The following ITGA2 variants were observed in gnomAD, a reference collection of about 807,000 sequenced individuals.
ITGA2 encodes integrin alpha-2.
Under a neutral mutation model 146.3 loss-of-function variants are expected in ITGA2, and 101 were observed. That is an observed-to-expected ratio of 0.69 (90% confidence interval 0.59 to 0.81). The LOEUF (loss-of-function observed/expected upper bound fraction) is 0.81. Ranked by LOEUF, ITGA2 falls within the 40% of genes least tolerant of loss-of-function variation. The pLI is 0.00. For missense variants in ITGA2, 1,281 were observed against 1,402.7 expected (o/e 0.91, Z 1.39); for synonymous variants, 477 against 487.1 (o/e 0.98, Z 0.27).
At chr5:53,064,840 C>A in intron 13 of ITGA2, 72 bp from the exon 14 acceptor site, 1 of 1,454,558 alleles carries the variant, frequency 6.9e-7, no homozygotes, top group Non-Finnish European at 9.6e-7. Flanking sequence ...CCACCACACC[C>A]AGCTGCTCTG....
intron 2 of ITGA2, among the ~76,000 whole-genome samples, chr5:53,033,693 G>T (rs1743349428): frequency 6.6e-6 from 1 of 151,926 alleles, no homozygotes; most frequent in South Asian, 2.1e-4. Flanking sequence ...TGCCTCCTGG[G>T]TTCAAGTGAT....
chr5:53,056,796 G>T (rs1187496871), intron 9 of ITGA2, among the ~76,000 whole-genome samples: 2 of 151,270 alleles, frequency 1.3e-5, no homozygotes, highest in Non-Finnish European at 3.0e-5. Context: ...CTGTGTGGGG[G>T]ACTAGCACAC....
chr5:52,998,788 C>T (rs1452049401), intron 1 of ITGA2, among the ~76,000 whole-genome samples: 1 of 152,162 alleles, frequency 6.6e-6, no homozygotes, highest in Admixed American at 6.5e-5. Flanking sequence ...TTCTTGGCAC[C>T]ATTTTATTCA....
At chr5:53,037,149 A>G (rs1743527550) in intron 2 of ITGA2, among the ~76,000 whole-genome samples, 1 of 152,230 alleles carries the variant, frequency 6.6e-6, no homozygotes, top group African/African-American at 2.4e-5. Context: ...TGCTAACTAA[A>G]CAAAGTATTT....
chr5:53,059,207 A>G (rs1448390836), intron 10 of ITGA2, among the ~76,000 whole-genome samples: 1 of 151,958 alleles, frequency 6.6e-6, no homozygotes, highest in East Asian at 1.9e-4. Flanking sequence ...CAGAGTAGGC[A>G]TCTTCCTTTG....
At chr5:53,080,644 A>C in intron 25 of ITGA2, 23 bp downstream of exon 25, 2 of 1,512,928 alleles carry the variant, frequency 1.3e-6, no homozygotes, top group Non-Finnish European at 1.8e-6. Context: ...AAATTGCCTA[A>C]AAATGTGTAC....
At chr5:53,048,851 G>C in intron 6 of ITGA2, 81 bp downstream of exon 6, 1 of 1,475,900 alleles carries the variant, frequency 6.8e-7, no homozygotes, top group South Asian at 1.2e-5. Flanking sequence ...CTTAATTTTT[G>C]TATTTGCCAA....
intron 1 of ITGA2, among the ~76,000 whole-genome samples, chr5:53,002,920 A>T (rs1001219238): frequency 1.3e-5 from 2 of 152,086 alleles, no homozygotes; most frequent in Non-Finnish European, 2.9e-5. Flanking sequence ...TCAAGTTACG[A>T]TTTAAAAATG....
chr5:53,032,892 G>A (rs1484277073), intron 2 of ITGA2, among the ~76,000 whole-genome samples: 1 of 152,170 alleles, frequency 6.6e-6, no homozygotes, highest in Non-Finnish European at 1.5e-5. Flanking sequence ...CTTTGGGAAA[G>A]TCACACAACT....
At chr5:53,060,861 A>T (rs1744871369) in intron 11 of ITGA2, 40 bp from the exon 12 acceptor site, 2 of 1,599,418 alleles carry the variant, frequency 1.3e-6, no homozygotes, top group South Asian at 2.2e-5. Context: ...TTTTGCTCAG[A>T]TAGTCAATGT....
intron 1 of ITGA2, among the ~76,000 whole-genome samples, chr5:53,000,362 A>G (rs955556088): frequency 6.6e-6 from 1 of 152,190 alleles, no homozygotes; most frequent in African/African-American, 2.4e-5. Context: ...TGATATTAAA[A>G]TATGATGAAA....
intron 28 of ITGA2, chr5:53,089,202 T>TG (rs1280442218): frequency 2.0e-5 from 3 of 152,116 alleles, no homozygotes; most frequent in Admixed American, 1.3e-4. Flanking sequence ...ATAAAACACA[T>TG]ATTATCCTCT....
At chr5:53,036,928 C>G (rs1736828305) in intron 2 of ITGA2, among the ~76,000 whole-genome samples, 1 of 152,056 alleles carries the variant, frequency 6.6e-6, no homozygotes, top group African/African-American at 2.4e-5. Flanking sequence ...TCCCCAAGAG[C>G]CCAATAAACA....
chr5:53,017,945 A>T (rs1248106094), intron 1 of ITGA2, among the ~76,000 whole-genome samples: 1 of 151,940 alleles, frequency 6.6e-6, no homozygotes, highest in African/African-American at 2.4e-5. Context: ...GCTGCAGGTA[A>T]ACCATTATGC....
At chr5:53,090,463 G>C in intron 29 of ITGA2, 56 bp from the exon 30 acceptor site, 1 of 1,490,816 alleles carries the variant, frequency 6.7e-7, no homozygotes, top group Non-Finnish European at 9.4e-7. Context: ...GGGGGTCAGA[G>C]GCACCTTACA....
intron 2 of ITGA2, among the ~76,000 whole-genome samples, chr5:53,032,237 A>G (rs1330928710): frequency 6.6e-6 from 1 of 152,204 alleles, no homozygotes; most frequent in Non-Finnish European, 1.5e-5. Context: ...AACTTTAATA[A>G]AGCTCTACAT....
At chr5:53,052,932 A>G (rs1408706807) in intron 7 of ITGA2, among the ~76,000 whole-genome samples, 1 of 152,012 alleles carries the variant, frequency 6.6e-6, no homozygotes, top group Non-Finnish European at 1.5e-5. Context: ...TCTCTCCCAA[A>G]ACTCACACTG....
At chr5:53,060,636 A>G (rs1318403245) in intron 11 of ITGA2, among the ~76,000 whole-genome samples, 1 of 151,938 alleles carries the variant, frequency 6.6e-6, no homozygotes, top group East Asian at 1.9e-4. Flanking sequence ...CCAGGTTCAC[A>G]GGTGGCTGAT....
intron 1 of ITGA2, among the ~76,000 whole-genome samples, chr5:52,997,548 A>G (rs546904641): frequency 6.6e-6 from 1 of 152,210 alleles, no homozygotes; most frequent in South Asian, 2.1e-4. Context: ...GAGCAAAGCT[A>G]TTGCACCGAT....
Sources: allele counts gnomAD v4.1 joint callset (sites outside exome capture counted in the v4.1 genomes callset), GRCh38; gene constraint gnomAD v4.1.1; transcripts MANE v1.5; gene names NCBI Gene and HGNC (gene_info 2026-07-23, HGNC 2026-07-21).